SPPL3: variants seen among roughly 807,000 people sequenced by gnomAD.
The protein encoded by SPPL3 is signal peptide peptidase-like 3.
A neutral mutation model predicts 42.4 loss-of-function variants in SPPL3; 5 were observed. The ratio of observed to expected loss-of-function variants is 0.12; its 90% confidence interval spans 0.06 to 0.25. The LOEUF is 0.25. Among genes scored for constraint, SPPL3 ranks in the 10% least tolerant of loss-of-function variants. The probability of loss-of-function intolerance (pLI) is 1.00; values close to 1 mark genes in which losing one functional copy is unlikely to be tolerated. For synonymous variants in SPPL3, 195 were observed against 181.8 expected (o/e 1.07, Z -0.58); for missense variants, 235 against 489.0 (o/e 0.48, Z 4.90).
intron 2 of SPPL3, among the ~76,000 whole-genome samples, chr12:120,804,076 T>C (rs917118621): frequency 1.3e-5 from 2 of 152,188 alleles, no homozygotes; most frequent in East Asian, 1.9e-4. Context: ...TGATGTTGTC[T>C]TCCTAGAGTA....
chr12:120,899,630 C>T (rs537770092), intron 1 of SPPL3, among the ~76,000 whole-genome samples: 1 of 152,148 alleles, frequency 6.6e-6, no homozygotes, highest in Non-Finnish European at 1.5e-5. Flanking sequence ...GTGGCTCACA[C>T]CTATAATCCC....
intron 6 of SPPL3, among the ~76,000 whole-genome samples, chr12:120,774,376 C>G (rs1178732944): frequency 6.6e-6 from 1 of 152,172 alleles, no homozygotes; most frequent in Non-Finnish European, 1.5e-5. Flanking sequence ...TATGACGAAT[C>G]AAGTCTAATT....
chr12:120,812,074 T>C (rs2137002388), intron 1 of SPPL3, among the ~76,000 whole-genome samples: 1 of 151,258 alleles, frequency 6.6e-6, no homozygotes, highest in East Asian at 1.9e-4. Context: ...GATCCCTAGG[T>C]TTCTGCTTAG....
At chr12:120,834,713 C>G (rs1871548587) in intron 1 of SPPL3, among the ~76,000 whole-genome samples, 1 of 152,172 alleles carries the variant, frequency 6.6e-6, no homozygotes, top group South Asian at 2.1e-4. Flanking sequence ...TCCTATACTA[C>G]TCTAGTTTAA....
chr12:120,861,249 G>A (rs954568997), intron 1 of SPPL3, among the ~76,000 whole-genome samples: 6 of 152,052 alleles, frequency 3.9e-5, no homozygotes, highest in Non-Finnish European at 7.4e-5. Context: ...GTAAACAAAT[G>A]GGCATGGCTG....
intron 1 of SPPL3, among the ~76,000 whole-genome samples, chr12:120,863,376 A>C (rs1853172204): frequency 6.6e-6 from 1 of 152,170 alleles, no homozygotes; most frequent in Non-Finnish European, 1.5e-5. Flanking sequence ...GTTTTAATGA[A>C]AAATAACTCT....
intron 6 of SPPL3, among the ~76,000 whole-genome samples, chr12:120,778,360 G>T (rs893151772): frequency 6.6e-6 from 1 of 151,782 alleles, no homozygotes; most frequent in Non-Finnish European, 1.5e-5. Flanking sequence ...CAGGTGATGC[G>T]CCTGCCTCAG....
intron 1 of SPPL3, among the ~76,000 whole-genome samples, chr12:120,861,028 C>T (rs1441635502): frequency 6.6e-6 from 1 of 152,180 alleles, no homozygotes. Context: ...TAAATCATCG[C>T]TATATTACTT....
intron 4 of SPPL3, among the ~76,000 whole-genome samples, chr12:120,783,983 G>C (rs1869628377): frequency 6.6e-6 from 1 of 151,964 alleles, no homozygotes; most frequent in African/African-American, 2.4e-5. Flanking sequence ...CAGCAGGCCA[G>C]GGGATGACCT....
intron 2 of SPPL3, among the ~76,000 whole-genome samples, chr12:120,804,234 A>T (rs1870418090): frequency 6.6e-6 from 1 of 152,170 alleles, no homozygotes; most frequent in South Asian, 2.1e-4. Flanking sequence ...CCTTTTTTGG[A>T]CAATGTTAAG....
intron 1 of SPPL3, among the ~76,000 whole-genome samples, chr12:120,838,234 C>T (rs1871687430): frequency 6.6e-6 from 1 of 152,180 alleles, no homozygotes; most frequent in Non-Finnish European, 1.5e-5. Flanking sequence ...TTATCAGATA[C>T]AGGCTCGAGT....
intron 1 of SPPL3, among the ~76,000 whole-genome samples, chr12:120,825,253 C>T (rs1871204119): frequency 6.6e-6 from 1 of 151,954 alleles, no homozygotes; most frequent in Admixed American, 6.6e-5. Context: ...CTATATAATC[C>T]AGCCAATTAT....
intron 1 of SPPL3, among the ~76,000 whole-genome samples, chr12:120,901,321 G>A (rs547327579): frequency 2.0e-5 from 3 of 152,120 alleles, no homozygotes; most frequent in East Asian, 3.9e-4. Flanking sequence ...GGCCGGGCAC[G>A]GTGGTTCATG....
At chr12:120,774,135 G>A (rs1428217067) in intron 6 of SPPL3, among the ~76,000 whole-genome samples, 1 of 152,148 alleles carries the variant, frequency 6.6e-6, no homozygotes, top group Non-Finnish European at 1.5e-5. Context: ...GAAAGTCTGG[G>A]TTCATCTTCA....
chr12:120,790,880 T>C (rs947778315), intron 3 of SPPL3, among the ~76,000 whole-genome samples: 4 of 149,656 alleles, frequency 2.7e-5, no homozygotes, highest in Admixed American at 6.7e-5. Context: ...TGGAGTGCAA[T>C]GGCACGATCT....
At chr12:120,832,273 A>G (rs1871449351) in intron 1 of SPPL3, among the ~76,000 whole-genome samples, 1 of 152,178 alleles carries the variant, frequency 6.6e-6, no homozygotes. Context: ...CATTTAATTA[A>G]TCCCCCAAGA....
chr12:120,813,965 C>G (rs545037324), intron 1 of SPPL3, among the ~76,000 whole-genome samples: 2 of 152,264 alleles, frequency 1.3e-5, no homozygotes, highest in Admixed American at 1.3e-4. Flanking sequence ...CTGCCTGATT[C>G]ATGAGACACT....
At chr12:120,817,775 A>T (rs1383098824) in intron 1 of SPPL3, among the ~76,000 whole-genome samples, 1 of 152,180 alleles carries the variant, frequency 6.6e-6, no homozygotes, top group Non-Finnish European at 1.5e-5. Context: ...GCGGTTTCAA[A>T]AATGTCTAAA....
chr12:120,845,724 T>TC (rs548438168), intron 1 of SPPL3: 2 of 264,902 alleles, frequency 7.5e-6, no homozygotes, highest in African/African-American at 4.5e-5. Context: ...AGCCAGGTAC[T>TC]GTTTTGCTCC....
Sources: allele counts gnomAD v4.1 joint callset (sites outside exome capture counted in the v4.1 genomes callset), GRCh38; gene constraint gnomAD v4.1.1; transcripts MANE v1.5; gene names NCBI Gene and HGNC (gene_info 2026-07-23, HGNC 2026-07-21).